The following USP36 variants were observed in gnomAD, a reference collection of about 807,000 sequenced individuals.
The protein encoded by USP36 is ubiquitin carboxyl-terminal hydrolase 36.
Under a neutral mutation model 111.5 loss-of-function variants are expected in USP36, and 59 were observed. The observed-to-expected ratio is 0.53, with a 90% CI of 0.43 to 0.66. The LOEUF is 0.66. Ranked by LOEUF, USP36 falls within the 30% of genes least tolerant of loss-of-function variation. USP36 has a pLI of 0.00. For synonymous variants in USP36, 628 were observed against 581.0 expected (o/e 1.08, Z -1.16); for missense variants, 1,488 against 1,468.0 (o/e 1.01, Z -0.22).
rs778072599 is a variant in USP36 at position 78,817,737 on chromosome 17, C to CA, written c.1023+929dup. On this transcript the variant is annotated intron_variant, in intron 10 of 20. Transcript: ENST00000449938. Reference sequence around the variant, plus strand: ...TGGGCATCAGAGCAAGACTCTGTCTCAAAAAAAAAAAAAAGAGAAAAAAGA... The same window carrying CA: ...TGGGCATCAGAGCAAGACTCTGTCTCAAAAAAAAAAAAAAAGAGAAAAAAGA... 3.6e-3 allele frequency among the ~76,000 whole-genome samples: 414 copies of CA among 114,442 alleles called. 1 individual carries two copies. The highest frequency in any genetic ancestry group is 0.014 in the South Asian group (54 of 3,726). The allele number at this position is 114,442 out of a possible 152,430, so 75.1% of individuals were successfully genotyped here.
At chr17:78,823,612 T>G (rs2094383602) in intron 6 of USP36, among the ~76,000 whole-genome samples, 1 of 152,020 alleles carries the variant, frequency 6.6e-6, no homozygotes, top group African/African-American at 2.4e-5. Flanking sequence ...AAGGGCACCC[T>G]GAAGTGAAGT....
intron 10 of USP36, among the ~76,000 whole-genome samples, chr17:78,815,794 A>G (rs556202700): frequency 2.3e-4 from 35 of 152,276 alleles, no homozygotes; most frequent in Admixed American, 8.5e-4. Flanking sequence ...ATATATACAT[A>G]CATGCATACA....
chr17:78,831,433 G>GAGAC (rs1478381945), intron 4 of USP36, among the ~76,000 whole-genome samples: 6 of 151,334 alleles, frequency 4.0e-5, no homozygotes, highest in Non-Finnish European at 8.8e-5. Flanking sequence ...GCCACTTGGT[G>GAGAC]AGACCCCCAT....
chr17:78,823,437 G>A (rs962988600), intron 6 of USP36, among the ~76,000 whole-genome samples: 4 of 152,140 alleles, frequency 2.6e-5, no homozygotes, highest in African/African-American at 9.7e-5. Context: ...AGCAGAGGAA[G>A]CACAACTGTC....
intron 10 of USP36, among the ~76,000 whole-genome samples, chr17:78,814,899 C>T (rs564523312): frequency 7.2e-5 from 11 of 152,020 alleles, no homozygotes; most frequent in African/African-American, 1.9e-4. Context: ...TGCAGTGAGC[C>T]GAGATCGAGC....
chr17:78,791,437 G>T (rs2093583533), downstream of USP36, among the ~76,000 whole-genome samples: 1 of 152,152 alleles, frequency 6.6e-6, no homozygotes, highest in Admixed American at 6.5e-5. Flanking sequence ...CTTTTTATAG[G>T]AAGTCATGAT....
Position 78,836,271 on chromosome 17 carries a change from A to G in USP36, c.93T>C (p.Ser31=), listed in dbSNP as rs758654740. The G allele has an allele frequency of 2.5e-6, 4 of 1,614,038 alleles. 1 individual carries two copies. Among genetic ancestry groups the G allele is most frequent in the Non-Finnish European group, 2.5e-6 (3 of 1,180,028 alleles). The change falls in exon 3 of 21, where the codon TCT becomes TCC. Residue 31 remains serine (S), a synonymous_variant. Coordinates refer to ENST00000449938, the MANE Select transcript of USP36 (RefSeq NM_001385174.1). ...DGELGKLLAS[S]AKKVLLQKIE... Reference sequence around the variant, plus strand: ...TTTTCTGTAAAAGGACCTTCTTGGCAGAGGAGGCAAGAAGCTTCCCCAGTT... The same window carrying G: ...TTTTCTGTAAAAGGACCTTCTTGGCGGAGGAGGCAAGAAGCTTCCCCAGTT...
chr17:78,831,097 G>A (rs912822189), intron 4 of USP36, among the ~76,000 whole-genome samples: 11 of 151,440 alleles, frequency 7.3e-5, no homozygotes, highest in African/African-American at 2.2e-4. Flanking sequence ...ATGGTGGCAC[G>A]TGCCTGTAGT....
chr17:78,836,456 T>G (rs534379058), intron 2 of USP36, 84 bp from the exon 3 acceptor site: 1 of 1,511,194 alleles, frequency 6.6e-7, no homozygotes, highest in Non-Finnish European at 8.8e-7. Context: ...CTTTGGTCAT[T>G]ATGGATGCTA....
chr17:78,836,854 G>A (rs1357693521), intron 2 of USP36, among the ~76,000 whole-genome samples: 1 of 151,760 alleles, frequency 6.6e-6, no homozygotes, highest in East Asian at 1.9e-4. Context: ...CGCAATAAAT[G>A]AATTAGCATG....
intron 3 of USP36, among the ~76,000 whole-genome samples, chr17:78,788,580 A>G (rs1201657816): frequency 2.6e-5 from 4 of 152,164 alleles, no homozygotes; most frequent in African/African-American, 9.7e-5. Flanking sequence ...GGGTCTCAGA[A>G]GAAAGGCAGG....
chr17:78,795,009 G>GAA (rs78492260), downstream of USP36, among the ~76,000 whole-genome samples: 10 of 115,518 alleles, frequency 8.7e-5, no homozygotes, highest in South Asian at 5.9e-4. The surrounding 1 kb of genome is among the most constrained non-coding windows in gnomAD (Gnocchi z 4.5). Flanking sequence ...CTCTGTTCGG[G>GAA]AAAAAAAAAA....
intron 7 of USP36, chr17:78,821,406 ATATATATATATATATTTTTTTTT>A (rs1366601240): frequency 5.2e-5 from 3 of 57,580 alleles, no homozygotes; most frequent in South Asian, 7.1e-4. Flanking sequence ...ATATATATAT[ATATATATATATATATTTTTTTTT>A]TTTTTTTTTT....
In USP36 at chr17:78,818,880, A is replaced by C; in HGVS notation, c.912-102T>G. 2.5e-6 allele frequency: 3 copies of C among 1,177,524 alleles called. No individual in the cohort carries two copies. In the South Asian group the frequency reaches 3.9e-5, roughly 15 times the overall value. The allele number at this position is 1,177,524 out of a possible 1,614,324, so 72.9% of individuals were successfully genotyped here. On this transcript the variant is annotated intron_variant, in intron 9 of 20. Coordinates refer to ENST00000449938, the MANE Select transcript of USP36 (RefSeq NM_001385174.1). ...ATAACAGCAACAACTGCTCTGTAAT[A>C]GTGGAATCTTCATCAATGAGATTTC...
chr17:78,816,897 C>A (rs113671804), intron 10 of USP36, among the ~76,000 whole-genome samples: 20 of 152,232 alleles, frequency 1.3e-4, no homozygotes, highest in African/African-American at 4.3e-4. Flanking sequence ...CTAGAAAATT[C>A]CCACATCCCA....
At chr17:78,822,283 A>G (rs2094348261) in intron 6 of USP36, among the ~76,000 whole-genome samples, 1 of 152,304 alleles carries the variant, frequency 6.6e-6, no homozygotes, top group East Asian at 1.9e-4. Flanking sequence ...AGAAAATAAA[A>G]GCCCCGAGAA....
rs746734943 is a variant in USP36, at chr17:78,807,420, G to A, written c.1624C>T (p.Pro542Ser). 1.9e-6 allele frequency: 3 copies of A among 1,614,064 alleles called. No homozygotes were observed. The highest frequency in any genetic ancestry group is 2.7e-5 in the African/African-American group (2 of 74,916). ...GCAGTTCTGGGGGAAAAGTGCTGTG[G>A]AGGAGCTGGCTTCTTCACCTTCTTT... ...PGKKVKKPAP[P>S]QHFSPRTAQG... The change falls in exon 14 of 21, where the codon CCA becomes TCA. Residue 542 changes from proline to serine, a missense_variant. By Grantham distance (74) the Pro-to-Ser change is moderately conservative. Coordinates refer to ENST00000449938, the MANE Select transcript of USP36 (RefSeq NM_001385174.1).
rs754156750 is a variant in USP36, at chr17:78,819,986, C to T, written c.855G>A (p.Leu285=). Residue 285 remains leucine (L), a synonymous_variant, in exon 9 of 21, where the codon CTG becomes CTA. Transcript: ENST00000449938. The stretch of plus-strand genomic sequence containing the variant: ...GGACATCTGCTTTCACAAAAAGTTC[C>T]AGAGCACGCACAATATTCGCAGCTT... ...IRQAANIVRA[L]ELFVKADVLS... 1.2e-6 allele frequency: 2 copies of T among 1,614,150 alleles called. No individual in the cohort carries two copies. Among genetic ancestry groups the T allele is most frequent in the Non-Finnish European group, 1.7e-6 (2 of 1,180,000 alleles).
chr17:78,835,158 C>G, intron 4 of USP36, 122 bp downstream of exon 4: 1 of 1,013,164 alleles, frequency 9.9e-7, no homozygotes, highest in East Asian at 2.6e-5. Context: ...TCATCAGTTA[C>G]TATACATTAT....
Sources: gnomAD v4.1 joint callset for allele counts (sites outside exome capture counted in the v4.1 genomes callset) on GRCh38, gnomAD v4.1.1 for gene constraint, Gnocchi (gnomAD v3.1) non-coding constraint, MANE v1.5 for transcripts, NCBI Gene and HGNC (gene_info 2026-07-23, HGNC 2026-07-21) for gene names.